The following YWHAQ variants were observed in gnomAD, a reference collection of about 807,000 sequenced individuals.
YWHAQ encodes 14-3-3 protein theta.
YWHAQ carries 6 observed loss-of-function variants against 28.3 expected under a neutral mutation model. The observed-to-expected ratio is 0.21, with a 90% confidence interval of 0.12 to 0.42. The LOEUF is 0.42. YWHAQ is among the 10% of genes least tolerant of loss of function. The probability of loss-of-function intolerance (pLI) is 1.00; values close to 1 mark genes in which losing one functional copy is unlikely to be tolerated. For missense variants in YWHAQ, 201 were observed against 305.6 expected (o/e 0.66, Z 2.55); for synonymous variants, 143 against 119.1 (o/e 1.20, Z -1.31).
At chr2:9,607,868 C>T (rs781052837) in intron 2 of YWHAQ, among the ~76,000 whole-genome samples, 6 of 151,866 alleles carry the variant, frequency 4.0e-5, no homozygotes, top group Non-Finnish European at 7.4e-5. Flanking sequence ...CCAGCTACCA[C>T]GCCTGGCTAT....
intron 2 of YWHAQ, among the ~76,000 whole-genome samples, chr2:9,628,436 T>G (rs1345996150): frequency 6.6e-6 from 1 of 152,200 alleles, no homozygotes; most frequent in Non-Finnish European, 1.5e-5. Context: ...GCAGAATTTA[T>G]AAGAGCCACA....
At chr2:9,620,108 C>G (rs139226999) in intron 2 of YWHAQ, among the ~76,000 whole-genome samples, 2 of 152,166 alleles carry the variant, frequency 1.3e-5, no homozygotes, top group East Asian at 3.8e-4. Flanking sequence ...CGCGACATGA[C>G]GTTCACAATC....
At chr2:9,601,095 C>G (rs146805824) in intron 2 of YWHAQ, among the ~76,000 whole-genome samples, 61 of 152,244 alleles carry the variant, frequency 4.0e-4, no homozygotes, top group African/African-American at 1.3e-3. Flanking sequence ...ATTATTAATG[C>G]TATTTATTTT....
chr2:9,629,857 C>T (rs1196757512), intron 2 of YWHAQ, among the ~76,000 whole-genome samples: 1 of 152,160 alleles, frequency 6.6e-6, no homozygotes, highest in Non-Finnish European at 1.5e-5. Context: ...GCAGTCTCCC[C>T]GCACAAGAAA....
intron 2 of YWHAQ, among the ~76,000 whole-genome samples, chr2:9,603,270 ATTTTT>A (rs149708531): frequency 7.0e-5 from 9 of 128,742 alleles, no homozygotes; most frequent in African/African-American, 2.8e-4. Context: ...TCTCCCTTGA[ATTTTT>A]TTTTTTTTTT....
intron 5 of YWHAQ, among the ~76,000 whole-genome samples, chr2:9,586,565 T>A (rs1320210497): frequency 6.6e-6 from 1 of 152,220 alleles, no homozygotes; most frequent in African/African-American, 2.4e-5. Flanking sequence ...TAGAACTATT[T>A]GCTGATCATC....
intron 2 of YWHAQ, among the ~76,000 whole-genome samples, chr2:9,610,887 T>C (rs1666934049): frequency 1.3e-5 from 2 of 152,138 alleles, no homozygotes; most frequent in African/African-American, 4.8e-5. Context: ...TTTTCTGTCT[T>C]AGGAAAAGTA....
At chr2:9,620,818 C>T (rs998695727) in intron 2 of YWHAQ, 1 of 152,160 alleles carries the variant, frequency 6.6e-6, no homozygotes, top group Non-Finnish European at 1.5e-5. Context: ...GAAGGTTTTA[C>T]AAATTCCATT....
At position 9,588,324 on chromosome 2, in the gene YWHAQ, C is replaced by T. The variant is rs1489087671; in HGVS notation, c.423G>A (p.Thr141=). The T allele has an allele frequency of 3.1e-6, 5 of 1,607,592 alleles. No homozygotes were observed. Among genetic ancestry groups the T allele is most frequent in the Middle Eastern group, 1.7e-4 (1 of 6,044 alleles). The change falls in exon 4 of 6, where the codon ACG becomes ACA. Residue 141 remains threonine (T), a synonymous_variant. Coordinates refer to ENST00000238081, the MANE Select transcript of YWHAQ (RefSeq NM_006826.4). ...EVACGDDRKQ[T]IDNSQGAYQE... The stretch of plus-strand genomic sequence containing the variant: ...GGTAAGCTCCTTGGGAATTATCTAT[C>T]GTTTCTGTGAAGAGCGAAAAATAAG...
chr2:9,585,260 AAAG>A lies in YWHAQ; in HGVS notation c.*23_*25del, dbSNP rs766682675. 1.2e-6 allele frequency: 2 copies of A among 1,613,686 alleles called. No individual in the cohort carries two copies. Among genetic ancestry groups the A allele is most frequent in the East Asian group, 2.2e-5 (1 of 44,850 alleles). On this transcript the variant is annotated 3_prime_UTR_variant, in exon 6 of 6. Coordinates refer to ENST00000238081, the MANE Select transcript of YWHAQ (RefSeq NM_006826.4). ...GATGTGTAAAAAGGTTTCTTGAAGGAAAGAAGGATGACACCCTGTATGGATTTA... is the reference window on the plus strand; with the variant it reads ...GATGTGTAAAAAGGTTTCTTGAAGGAAAGGATGACACCCTGTATGGATTTA...
chr2:9,629,081 G>A (rs1667303322), intron 2 of YWHAQ: 1 of 150,952 alleles, frequency 6.6e-6, no homozygotes, highest in Admixed American at 6.6e-5. Flanking sequence ...TGGGGGAGGA[G>A]GCCAGGGAGA....
chr2:9,618,029 T>C (rs1667069655), intron 2 of YWHAQ, among the ~76,000 whole-genome samples: 1 of 152,100 alleles, frequency 6.6e-6, no homozygotes, highest in Non-Finnish European at 1.5e-5. Flanking sequence ...TATTATATGA[T>C]TCTGTTTATA....
At chr2:9,620,779 T>C (rs1453036409) in intron 2 of YWHAQ, 1 of 152,164 alleles carries the variant, frequency 6.6e-6, no homozygotes, top group Non-Finnish European at 1.5e-5. Flanking sequence ...TAAGATGGGG[T>C]GCAGGGGCAG....
At chr2:9,624,480 T>A (rs1372242801) in intron 2 of YWHAQ, among the ~76,000 whole-genome samples, 1 of 152,084 alleles carries the variant, frequency 6.6e-6, no homozygotes, top group African/African-American at 2.4e-5. Context: ...TCATTTTATT[T>A]ATGGACTAAT....
chr2:9,610,242 AC>A (rs1182792850), intron 2 of YWHAQ, among the ~76,000 whole-genome samples: 1 of 152,234 alleles, frequency 6.6e-6, no homozygotes, highest in African/African-American at 2.4e-5. Flanking sequence ...GGTCCATTTC[AC>A]TGGTATGATT....
At position 9,585,816 on chromosome 2, in the gene YWHAQ, G is replaced by A. The variant is rs1572983746; in HGVS notation, c.679-471C>T. Among the ~76,000 whole-genome samples, 4 of 151,676 alleles carry A rather than the reference G, an allele frequency of 2.6e-5. No individual in the cohort carries two copies. In the South Asian group the frequency reaches 8.3e-4, roughly 32 times the overall value. On this transcript the variant is annotated intron_variant, in intron 5 of 5. Transcript: ENST00000238081. ...CAGTCCTAACTACTCAGGAGGCTGAGGCAGGAGGACTGCTTGAATCCAGGA... is the reference window on the plus strand; with the variant it reads ...CAGTCCTAACTACTCAGGAGGCTGAAGCAGGAGGACTGCTTGAATCCAGGA...
At chr2:9,621,324 G>A (rs1667139267) in intron 2 of YWHAQ, among the ~76,000 whole-genome samples, 1 of 152,130 alleles carries the variant, frequency 6.6e-6, no homozygotes, top group Admixed American at 6.5e-5. Context: ...TGTCTCCTAA[G>A]TGGGGATCAA....
At chr2:9,617,778 T>G (rs1264203763) in intron 2 of YWHAQ, among the ~76,000 whole-genome samples, 1 of 151,770 alleles carries the variant, frequency 6.6e-6, no homozygotes, top group Non-Finnish European at 1.5e-5. Flanking sequence ...CTCTAAAAAA[T>G]CAGCTGAGGG....
chr2:9,595,917 G>A (rs919255175), intron 2 of YWHAQ, among the ~76,000 whole-genome samples: 5 of 152,068 alleles, frequency 3.3e-5, no homozygotes, highest in Non-Finnish European at 5.9e-5. Context: ...ATGGTAGTGT[G>A]TTCCTTTTTG....
Sources: gnomAD v4.1 joint callset for allele counts (sites outside exome capture counted in the v4.1 genomes callset) on GRCh38, gnomAD v4.1.1 for gene constraint, MANE v1.5 for transcripts, NCBI Gene and HGNC (gene_info 2026-07-23, HGNC 2026-07-21) for gene names.